FANCC: variants seen among roughly 807,000 people sequenced by gnomAD.
FANCC encodes the protein FA complementation group C.
A neutral mutation model predicts 71.3 loss-of-function variants in FANCC; 55 were observed. The ratio of observed to expected loss-of-function variants is 0.77; its 90% CI spans 0.62 to 0.97. The LOEUF (loss-of-function observed/expected upper bound fraction) is 0.97. FANCC is among the 50% of genes least tolerant of loss of function. The pLI, the probability that FANCC is intolerant of heterozygous loss-of-function variation, is 0.00. For missense variants in FANCC, 678 were observed against 670.9 expected (o/e 1.01, Z -0.12); for synonymous variants, 275 against 244.9 (o/e 1.12, Z -1.15).
rs146108049 is a variant in FANCC at position 95,123,743 on chromosome 9, C to T, written c.996+1343G>A. On this transcript the variant is annotated intron_variant, in intron 10 of 14. Transcript: ENST00000289081. Reference sequence around the variant, plus strand: ...GCTGTATTTGAAGCTACATTACTGTCTGAGTTGTGCAATTCACAGCAAAGT... The same window carrying T: ...GCTGTATTTGAAGCTACATTACTGTTTGAGTTGTGCAATTCACAGCAAAGT... 3 of 693,580 alleles carry T rather than the reference C, an allele frequency of 4.3e-6. No individual in the cohort carries two copies. The Admixed American group carries it at 5.3e-5, about 12-fold the overall frequency. 43.0% of individuals were successfully genotyped at this position (693,580 alleles called of 1,614,324 possible).
At chr9:95,124,935 C>G (rs1051638573) in intron 10 of FANCC, 151 bp downstream of exon 10, 4 of 717,668 alleles carry the variant, frequency 5.6e-6, no homozygotes, top group Non-Finnish European at 9.9e-6. Context: ...GTTAAAATGG[C>G]TTAACCTTTG....
At chr9:95,259,434 C>A (rs1238175323) in intron 1 of FANCC, among the ~76,000 whole-genome samples, 1 of 152,126 alleles carries the variant, frequency 6.6e-6, no homozygotes, top group Admixed American at 6.6e-5. Flanking sequence ...CAAAAACAAG[C>A]AATGGGAAAA....
intron 4 of FANCC, among the ~76,000 whole-genome samples, chr9:95,208,004 T>C (rs1358332170): frequency 6.8e-6 from 1 of 147,774 alleles, no homozygotes; most frequent in Non-Finnish European, 1.5e-5. Flanking sequence ...CATCTTCTAA[T>C]AAACTTTGCA....
chr9:95,271,591 T>C (rs1832721702), intron 1 of FANCC, among the ~76,000 whole-genome samples: 1 of 152,198 alleles, frequency 6.6e-6, no homozygotes, highest in South Asian at 2.1e-4. Context: ...CAACAAGATA[T>C]GATTCTGTTC....
In FANCC at chr9:95,135,355, A is replaced by C. The variant is rs1259273920; in HGVS notation, c.834T>G (p.Asp278Glu). ...CLRRIECFIK[D>E]SSLPQAACHP... Reference sequence around the variant, plus strand: ...AAAACCCAGTACGTACCAGCGATGAATCTTTTATAAAGCATTCGATCCTTC... The same window carrying C: ...AAAACCCAGTACGTACCAGCGATGACTCTTTTATAAAGCATTCGATCCTTC... Residue 278 changes from aspartate to glutamate, a missense_variant, in exon 8 of 15, where the codon GAT becomes GAG. By Grantham distance (45) the Asp-to-Glu change is conservative (BLOSUM62 2). Coordinates refer to ENST00000289081, the MANE Select transcript of FANCC (RefSeq NM_000136.3). 9.3e-6 allele frequency: 15 copies of C among 1,614,022 alleles called. No individual in the cohort carries two copies. The highest frequency in any genetic ancestry group is 1.2e-5 in the Non-Finnish European group (14 of 1,179,990).
At position 95,099,205 on chromosome 9, in the gene FANCC, C is replaced by T. The variant is rs1012794955; in HGVS notation, c.*2502G>A. The T allele has an allele frequency of 4.6e-6, 1 of 217,622 alleles. No homozygotes were observed. The highest frequency in any genetic ancestry group is 6.8e-5 in the East Asian group (1 of 14,778). The allele number at this position is 217,622 out of a possible 1,614,324, so 13.5% of individuals were successfully genotyped here. On this transcript the variant is annotated 3_prime_UTR_variant, in exon 15 of 15. Coordinates refer to ENST00000289081, the MANE Select transcript of FANCC (RefSeq NM_000136.3). ...CTCCGCCTCTTCTGTATTTTTGGCT[C>T]TCTCTGAGGGTAGTGGTTTTACCAG...
intron 6 of FANCC, among the ~76,000 whole-genome samples, chr9:95,168,776 A>C (rs193097615): frequency 7.1e-4 from 108 of 152,310 alleles, no homozygotes; most frequent in South Asian, 1.9e-3. Flanking sequence ...TGATCTACCT[A>C]CTTCAGCCTC....
intron 1 of FANCC, among the ~76,000 whole-genome samples, chr9:95,270,408 G>A (rs1351238010): frequency 6.6e-6 from 1 of 152,110 alleles, no homozygotes; most frequent in Non-Finnish European, 1.5e-5. Context: ...CTGTGAGAGT[G>A]CACATTTATT....
intron 3 of FANCC, among the ~76,000 whole-genome samples, chr9:95,242,712 C>T (rs190109322): frequency 6.6e-6 from 1 of 152,256 alleles, no homozygotes; most frequent in Non-Finnish European, 1.5e-5. Flanking sequence ...AGGTGACTTT[C>T]TGTGCCCAGA....
rs376657696 is a variant in FANCC at position 95,262,672 on chromosome 9, C to T, written c.-78-13303G>A. 5.5e-4 allele frequency among the ~76,000 whole-genome samples: 84 copies of T among 152,232 alleles called. 2 individuals carry two copies. In the South Asian group the frequency reaches 0.017, roughly 30 times the overall value. On this transcript the variant is annotated intron_variant, in intron 1 of 14. Transcript: ENST00000289081. ...GGGTTTCAAAGAGATATTTGTACAC[C>T]CAATTTCATAGCAGCGTAACAGCCA... is the stretch of plus-strand genomic sequence containing the variant.
chr9:95,152,779 C>T (rs909658599), intron 6 of FANCC, among the ~76,000 whole-genome samples: 1 of 151,012 alleles, frequency 6.6e-6, no homozygotes, highest in Non-Finnish European at 1.5e-5. Flanking sequence ...TTCACTACCC[C>T]CCATCCCACT....
At chr9:95,139,368 C>T (rs980926616) in intron 7 of FANCC, among the ~76,000 whole-genome samples, 2 of 152,130 alleles carry the variant, frequency 1.3e-5, no homozygotes, top group Admixed American at 6.5e-5. Context: ...TCATGTGGTG[C>T]CACTGAAGAA....
chr9:95,195,112 C>A (rs1827353308), intron 4 of FANCC, among the ~76,000 whole-genome samples: 1 of 145,592 alleles, frequency 6.9e-6, no homozygotes, highest in Non-Finnish European at 1.5e-5. Context: ...GCAAGAGAAT[C>A]ACTTGAACCC....
intron 4 of FANCC, among the ~76,000 whole-genome samples, chr9:95,191,215 A>T (rs1827078087): frequency 6.6e-6 from 1 of 152,070 alleles, no homozygotes; most frequent in Non-Finnish European, 1.5e-5. Context: ...GGGCAGGTCA[A>T]CAGAAGACTA....
intron 1 of FANCC, among the ~76,000 whole-genome samples, chr9:95,268,911 A>G (rs1432151736): frequency 6.6e-6 from 1 of 152,166 alleles, no homozygotes; most frequent in East Asian, 1.9e-4. Flanking sequence ...GTGCTCTCAG[A>G]ACCTCTCCAA....
intron 7 of FANCC, among the ~76,000 whole-genome samples, chr9:95,148,804 AATTTC>A (rs1829906220): frequency 1.3e-5 from 2 of 152,250 alleles, no homozygotes; most frequent in Non-Finnish European, 2.9e-5. Flanking sequence ...TAACTGACAT[AATTTC>A]AGATTCCACA....
intron 7 of FANCC, among the ~76,000 whole-genome samples, chr9:95,142,942 C>A (rs141461440): frequency 5.6e-4 from 85 of 152,292 alleles, no homozygotes; most frequent in African/African-American, 2.0e-3. Flanking sequence ...ATTCTGACAC[C>A]ATCTGGCATT....
chr9:95,211,335 A>T (rs1352752250), intron 4 of FANCC, among the ~76,000 whole-genome samples: 1 of 152,242 alleles, frequency 6.6e-6, no homozygotes, highest in Non-Finnish European at 1.5e-5. Flanking sequence ...AGAGGAAACT[A>T]GATAGAGAAA....
chr9:95,271,164 C>A lies in FANCC; in HGVS notation c.-78-21795G>T, dbSNP rs146119838. On this transcript the variant is annotated intron_variant, in intron 1 of 14. Coordinates refer to ENST00000289081, the MANE Select transcript of FANCC (RefSeq NM_000136.3). ...ACCCAGTGGGCAGAGGCCAGGTACA[C>A]CGCTGAACATCTACCAAGCACAGGA... 1.1e-4 allele frequency among the ~76,000 whole-genome samples: 16 copies of A among 152,288 alleles called. No individual in the cohort carries two copies. The East Asian group carries it at 3.1e-3, about 29-fold the overall frequency.
Sources: allele counts gnomAD v4.1 joint callset (sites outside exome capture counted in the v4.1 genomes callset), GRCh38; gene constraint gnomAD v4.1.1; transcripts MANE v1.5; gene names NCBI Gene and HGNC (gene_info 2026-07-23, HGNC 2026-07-21).